KAT6B: variants seen among roughly 807,000 people sequenced by gnomAD.
KAT6B encodes the protein histone acetyltransferase KAT6B.
KAT6B carries 10 observed loss-of-function variants against 187.5 expected under a neutral mutation model. The observed-to-expected ratio is 0.05, with a 90% confidence interval of 0.03 to 0.09. KAT6B has a LOEUF of 0.09. Ranked by LOEUF, KAT6B falls within the 10% of genes least tolerant of loss-of-function variation. KAT6B has a pLI of 1.00. For synonymous variants in KAT6B, 861 were observed against 926.8 expected (o/e 0.93, Z 1.29); for missense variants, 1,952 against 2,558.9 (o/e 0.76, Z 5.12).
chr10:75,000,146 T>G (rs1453189993), intron 13 of KAT6B, among the ~76,000 whole-genome samples: 2 of 150,158 alleles, frequency 1.3e-5, no homozygotes, highest in Non-Finnish European at 2.9e-5. Flanking sequence ...CACTCCAGCC[T>G]GGGCGACAGA....
At chr10:74,935,165 C>T (rs995933103) in intron 3 of KAT6B, among the ~76,000 whole-genome samples, 54 of 152,178 alleles carry the variant, frequency 3.5e-4, no homozygotes, top group African/African-American at 1.3e-3. Flanking sequence ...AAGCACTTAA[C>T]ACAGTACATG....
Position 74,846,766 on chromosome 10 carries a change from ACTGT to A in KAT6B, c.621+3289_621+3292del, listed in dbSNP as rs1423052177. Among the ~76,000 whole-genome samples the A allele has an allele frequency of 1.8e-4, 28 of 152,306 alleles. No individual in the cohort carries two copies. The East Asian group carries it at 4.0e-3, about 22-fold the overall frequency. Reference sequence around the variant, plus strand: ...TTAAATATTTTTTATAAAAGCTTATACTGTGAAGAAATTCCTTAAGGGACTATAG... The same window carrying A: ...TTAAATATTTTTTATAAAAGCTTATAGAAGAAATTCCTTAAGGGACTATAG... On this transcript the variant is annotated intron_variant, in intron 3 of 17. Coordinates refer to ENST00000287239, the MANE Select transcript of KAT6B (RefSeq NM_012330.4).
chr10:74,924,120 C>T (rs1003337528), intron 3 of KAT6B, among the ~76,000 whole-genome samples: 3 of 152,132 alleles, frequency 2.0e-5, no homozygotes, highest in Non-Finnish European at 4.4e-5. Context: ...CTGAGATAAA[C>T]AGAGGTAACA....
At chr10:74,981,678 A>T in intron 10 of KAT6B, 109 bp from the exon 11 acceptor site, 1 of 853,112 alleles carries the variant, frequency 1.2e-6, no homozygotes, top group South Asian at 1.4e-5. Context: ...CCAGCCTCCA[A>T]TGTTATTATA....
At chr10:74,906,470 A>G (rs1430846891) in intron 3 of KAT6B, among the ~76,000 whole-genome samples, 1 of 152,074 alleles carries the variant, frequency 6.6e-6, no homozygotes, top group Non-Finnish European at 1.5e-5. Flanking sequence ...AAAGATGTGC[A>G]TATTTAGTTT....
chr10:74,893,887 T>G (rs1029528234), intron 3 of KAT6B, among the ~76,000 whole-genome samples: 1 of 152,234 alleles, frequency 6.6e-6, no homozygotes, highest in Non-Finnish European at 1.5e-5. Flanking sequence ...ACACTTTCCC[T>G]TATTTATACT....
At chr10:74,873,793 C>G (rs1844194044) in intron 3 of KAT6B, among the ~76,000 whole-genome samples, 1 of 152,080 alleles carries the variant, frequency 6.6e-6, no homozygotes, top group Non-Finnish European at 1.5e-5. Flanking sequence ...TTTTTATTCC[C>G]TCTCTCTTTT....
chr10:74,888,610 CT>C (rs1180134710), intron 3 of KAT6B, among the ~76,000 whole-genome samples: 1 of 152,086 alleles, frequency 6.6e-6, no homozygotes, highest in East Asian at 1.9e-4. Flanking sequence ...AATGGGTGTA[CT>C]TTCATATTCT....
chr10:74,911,539 A>G (rs1008670987), intron 3 of KAT6B, among the ~76,000 whole-genome samples: 1 of 152,144 alleles, frequency 6.6e-6, no homozygotes, highest in African/African-American at 2.4e-5. Context: ...AAGTGCTGGG[A>G]TTACAGGTGT....
intron 3 of KAT6B, among the ~76,000 whole-genome samples, chr10:74,959,725 G>C (rs949823792): frequency 6.6e-6 from 1 of 152,240 alleles, no homozygotes; most frequent in Non-Finnish European, 1.5e-5. Context: ...GGGAGGTGGA[G>C]GTTGCAATGA....
chr10:74,970,189 T>G, intron 6 of KAT6B, 88 bp downstream of exon 6: 2 of 972,312 alleles, frequency 2.1e-6, no homozygotes, highest in South Asian at 2.7e-5. Context: ...GTATACAGGT[T>G]CTTTAAGCAT....
chr10:74,825,353 G>T (rs951594059), upstream of KAT6B, among the ~76,000 whole-genome samples: 1 of 151,338 alleles, frequency 6.6e-6, no homozygotes, highest in Non-Finnish European at 1.5e-5. The surrounding 1 kb of genome is among the most constrained non-coding windows in gnomAD (Gnocchi z 5.0). Context: ...CCCCCGGGGC[G>T]GAGGCAGGTA....
chr10:74,853,208 G>T (rs112876856), intron 3 of KAT6B, among the ~76,000 whole-genome samples: 1 of 143,902 alleles, frequency 6.9e-6, no homozygotes, highest in Non-Finnish European at 1.5e-5. Flanking sequence ...TCGACCTCCC[G>T]GGCTCAAGTG....
At chr10:74,958,224 A>G (rs1840826851) in intron 3 of KAT6B, among the ~76,000 whole-genome samples, 1 of 152,206 alleles carries the variant, frequency 6.6e-6, no homozygotes, top group Non-Finnish European at 1.5e-5. Context: ...CTTAACTAGC[A>G]TATATTTCCT....
At chr10:74,907,280 T>C (rs974704224) in intron 3 of KAT6B, among the ~76,000 whole-genome samples, 15 of 152,300 alleles carry the variant, frequency 9.8e-5, no homozygotes, top group Admixed American at 9.2e-4. Flanking sequence ...TTTGGAACTT[T>C]TCAGAACATT....
intron 3 of KAT6B, among the ~76,000 whole-genome samples, chr10:74,860,970 T>G (rs922146646): frequency 1.5e-4 from 23 of 152,168 alleles, no homozygotes; most frequent in Middle Eastern, 3.4e-3. Context: ...AAACCCCGTC[T>G]CTACTAAAAA....
At chr10:74,833,008 G>T (rs960127254) in intron 1 of KAT6B, among the ~76,000 whole-genome samples, 1 of 151,622 alleles carries the variant, frequency 6.6e-6, no homozygotes, top group Admixed American at 6.6e-5. Flanking sequence ...GGTGGCATGT[G>T]CCTGTAATCC....
chr10:74,994,913 A>C (rs1454175966), intron 13 of KAT6B, among the ~76,000 whole-genome samples: 1 of 152,140 alleles, frequency 6.6e-6, no homozygotes, highest in African/African-American at 2.4e-5. Context: ...CTAGGATAGC[A>C]TGCATATTTA....
chr10:74,940,306 C>T (rs1470331481), intron 3 of KAT6B, among the ~76,000 whole-genome samples: 4 of 148,202 alleles, frequency 2.7e-5, no homozygotes, highest in Admixed American at 6.7e-5. Context: ...GACAGAGTCT[C>T]GCTCTGTTGC....
Sources: gnomAD v4.1 joint callset for allele counts (sites outside exome capture counted in the v4.1 genomes callset) on GRCh38, gnomAD v4.1.1 for gene constraint, Gnocchi (gnomAD v3.1) non-coding constraint, MANE v1.5 for transcripts, NCBI Gene and HGNC (gene_info 2026-07-23, HGNC 2026-07-21) for gene names.